The following ANGPT1 variants were observed in gnomAD, a reference collection of about 807,000 sequenced individuals.
The protein encoded by ANGPT1 is angiopoietin-1.
A neutral mutation model predicts 62.2 loss-of-function variants in ANGPT1; 17 were observed. The ratio of observed to expected loss-of-function variants is 0.27; its 90% CI spans 0.19 to 0.41. The LOEUF (loss-of-function observed/expected upper bound fraction) is 0.41, where lower values mean the gene tolerates loss of function less well. Ranked by LOEUF, ANGPT1 falls within the 10% of genes least tolerant of loss-of-function variation. The pLI, the probability that ANGPT1 is intolerant of heterozygous loss-of-function variation, is 1.00. For missense variants in ANGPT1, 478 were observed against 594.9 expected (o/e 0.80, Z 2.04); for synonymous variants, 199 against 198.9 (o/e 1.00, Z 0.00).
chr8:107,381,532 G>T lies in ANGPT1; in HGVS notation c.298-34435C>A, dbSNP rs142677079. Among the ~76,000 whole-genome samples the T allele has an allele frequency of 1.2e-4, 19 of 152,268 alleles. No individual in the cohort carries two copies. The East Asian group carries it at 3.5e-3, about 28-fold the overall frequency. On this transcript the variant is annotated intron_variant, in intron 1 of 8. Coordinates refer to ENST00000517746, the MANE Select transcript of ANGPT1 (RefSeq NM_001146.5). ...CACCATGCTGGGTCTTGGCAGCAGT[G>T]TGAGGGCAGCCCTGAAGAGGAATTA...
chr8:107,348,525 T>C lies in ANGPT1; in HGVS notation c.298-1428A>G, dbSNP rs1815861680. Among the ~76,000 whole-genome samples, 5 of 152,070 alleles carry C rather than the reference T, an allele frequency of 3.3e-5. No homozygotes were observed. In the South Asian group the frequency reaches 1.0e-3, roughly 31 times the overall value. ...CCCCTTCATTCATTTTTCCCCCAAA[T>C]TAGACATAGGAGGGAAAAAAATTCA... is the stretch of plus-strand genomic sequence containing the variant. On this transcript the variant is annotated intron_variant, in intron 1 of 8. Transcript: ENST00000517746.
At position 107,497,538 on chromosome 8, in the gene ANGPT1, A is replaced by T. The variant is rs1813142987; in HGVS notation, c.21T>A (p.Phe7Leu). Reference sequence around the variant, plus strand: ...GAGTCAGAATGGCAGCGAGGAAAGCAAAGGAAAGGAAAACTGTCATTGTAC... The same window carrying T: ...GAGTCAGAATGGCAGCGAGGAAAGCTAAGGAAAGGAAAACTGTCATTGTAC... The part of the protein sequence containing the change: MTVFLS[F>L]AFLAAILTHI... Residue 7 changes from phenylalanine (F) to leucine (L), a missense_variant, in exon 1 of 9, where the codon TTT (phenylalanine) becomes TTA (leucine). Phe to Leu is a conservative substitution (Grantham distance 22). This residue lies in a region of ANGPT1 where 343 missense variants were observed against 355.4 expected (regional missense o/e 0.97). Coordinates refer to ENST00000517746, the MANE Select transcript of ANGPT1 (RefSeq NM_001146.5). 2 of 1,613,862 alleles carry T rather than the reference A, an allele frequency of 1.2e-6. No individual in the cohort carries two copies. Among genetic ancestry groups the T allele is most frequent in the Non-Finnish European group, 1.7e-6 (2 of 1,179,922 alleles).
intron 4 of ANGPT1, among the ~76,000 whole-genome samples, chr8:107,320,577 T>G (rs1815127691): frequency 6.6e-6 from 1 of 152,188 alleles, no homozygotes. Context: ...TTCCTTCCAG[T>G]GGACTCTAAC....
At chr8:107,452,480 CTTTATTTTTATTTT>C (rs981133862) in intron 1 of ANGPT1, among the ~76,000 whole-genome samples, 29 of 151,296 alleles carry the variant, frequency 1.9e-4, no homozygotes, top group East Asian at 5.8e-4. Flanking sequence ...ACTTTTATTT[CTTTATTTTTATTTT>C]TTTATTTTTA....
intron 1 of ANGPT1, among the ~76,000 whole-genome samples, chr8:107,466,841 G>A (rs1005779761): frequency 6.6e-6 from 1 of 151,970 alleles, no homozygotes; most frequent in Admixed American, 6.6e-5. Flanking sequence ...GAACCCAGGA[G>A]GCCGAGGTTG....
At chr8:107,386,126 G>C (rs1407426966) in intron 1 of ANGPT1, among the ~76,000 whole-genome samples, 1 of 152,014 alleles carries the variant, frequency 6.6e-6, no homozygotes, top group Non-Finnish European at 1.5e-5. Context: ...CATTATCCTA[G>C]GTTAGTTGAT....
intron 1 of ANGPT1, among the ~76,000 whole-genome samples, chr8:107,461,000 T>C (rs1216936295): frequency 6.6e-6 from 1 of 152,134 alleles, no homozygotes; most frequent in Non-Finnish European, 1.5e-5. Flanking sequence ...TTGAACCTCA[T>C]AGCCACATTG....
chr8:107,482,448 A>G (rs879762126), intron 1 of ANGPT1, among the ~76,000 whole-genome samples: 6 of 152,198 alleles, frequency 3.9e-5, no homozygotes, highest in Admixed American at 6.5e-5. Context: ...GCACCTACAC[A>G]TGCCTTCTCC....
chr8:107,457,987 A>G (rs1228093575), intron 1 of ANGPT1, among the ~76,000 whole-genome samples: 1 of 152,118 alleles, frequency 6.6e-6, no homozygotes, highest in Non-Finnish European at 1.5e-5. Flanking sequence ...CTTTAAAAAA[A>G]TATTATGATC....
chr8:107,463,379 A>C (rs1045564894), intron 1 of ANGPT1, among the ~76,000 whole-genome samples: 6 of 152,110 alleles, frequency 3.9e-5, no homozygotes, highest in Non-Finnish European at 7.3e-5. Flanking sequence ...AAATTCCTGA[A>C]CCACAGAAAT....
At chr8:107,416,981 G>A (rs2130368991) in intron 1 of ANGPT1, among the ~76,000 whole-genome samples, 1 of 152,126 alleles carries the variant, frequency 6.6e-6, no homozygotes, top group East Asian at 1.9e-4. Context: ...AGTAGCGACA[G>A]GGTTTCACCA....
intron 1 of ANGPT1, among the ~76,000 whole-genome samples, chr8:107,372,852 T>C (rs182094157): frequency 1.3e-4 from 19 of 151,614 alleles, no homozygotes; most frequent in Non-Finnish European, 7.4e-5. Context: ...GCAGAAGACG[T>C]GAGCGTGACT....
At chr8:107,427,081 G>A (rs2130393432) in intron 1 of ANGPT1, among the ~76,000 whole-genome samples, 1 of 152,292 alleles carries the variant, frequency 6.6e-6, no homozygotes, top group East Asian at 1.9e-4. Context: ...TCCACACTCT[G>A]TTCCCCATGC....
intron 1 of ANGPT1, among the ~76,000 whole-genome samples, chr8:107,365,969 C>T (rs1412714233): frequency 6.6e-6 from 1 of 151,926 alleles, no homozygotes; most frequent in Admixed American, 6.6e-5. Flanking sequence ...AACACTAGAA[C>T]CCAGGTCTCT....
chr8:107,266,093 C>T (rs1813607616), intron 7 of ANGPT1, among the ~76,000 whole-genome samples: 1 of 152,112 alleles, frequency 6.6e-6, no homozygotes, highest in Non-Finnish European at 1.5e-5. Context: ...TATTTTAAAA[C>T]TCTGAGAGGC....
chr8:107,276,342 A>G (rs1006200072), intron 7 of ANGPT1, among the ~76,000 whole-genome samples: 4 of 152,168 alleles, frequency 2.6e-5, no homozygotes, highest in African/African-American at 9.7e-5. Flanking sequence ...GATTTCCTAC[A>G]TATTTTTTCA....
chr8:107,424,095 C>T (rs542042733), intron 1 of ANGPT1, among the ~76,000 whole-genome samples: 1 of 151,810 alleles, frequency 6.6e-6, no homozygotes, highest in Non-Finnish European at 1.5e-5. Context: ...CCCACCTCAG[C>T]TTCTCAAAGT....
At chr8:107,353,688 C>T (rs1279766475) in intron 1 of ANGPT1, among the ~76,000 whole-genome samples, 1 of 152,102 alleles carries the variant, frequency 6.6e-6, no homozygotes, top group East Asian at 1.9e-4. Context: ...GGCTTATCAC[C>T]CCCTGTGTCA....
chr8:107,380,990 T>C (rs1443358138), intron 1 of ANGPT1, among the ~76,000 whole-genome samples: 1 of 152,232 alleles, frequency 6.6e-6, no homozygotes, highest in Non-Finnish European at 1.5e-5. Context: ...TGGATTTTGC[T>C]AATTCTTGGG....
Sources: allele counts gnomAD v4.1 joint callset (sites outside exome capture counted in the v4.1 genomes callset), GRCh38; gene constraint gnomAD v4.1.1; regional missense constraint gnomAD v4.1.1; transcripts MANE v1.5; gene names NCBI Gene and HGNC (gene_info 2026-07-23, HGNC 2026-07-21).